The following RAB31 variants were observed in gnomAD, a reference collection of about 807,000 sequenced individuals.
RAB31 encodes RAB31, member RAS oncogene family, also known as ras-related protein Rab-31.
RAB31 carries 21 observed loss-of-function variants against 25.6 expected under a neutral mutation model. The observed-to-expected ratio is 0.82, with a 90% confidence interval of 0.58 to 1.18. The LOEUF (loss-of-function observed/expected upper bound fraction) is 1.18. Among genes scored for constraint, RAB31 ranks in the 50% most tolerant of loss-of-function variants. RAB31 has a pLI of 0.00. For missense variants in RAB31, 196 were observed against 250.1 expected, an observed-to-expected ratio of 0.78 and a Z score of 1.46; for synonymous variants, 87 against 84.0, an observed-to-expected ratio of 1.04 and a Z score of -0.20.
At chr18:9,719,972 C>CTT (rs68175651) in intron 1 of RAB31, among the ~76,000 whole-genome samples, 120,711 of 149,160 alleles carry the variant, frequency 0.81, 48,914 homozygotes, top group African/African-American at 0.88. Context: ...CCAGGCTCAC[C>CTT]TTTTTTTTTT....
intron 5 of RAB31, among the ~76,000 whole-genome samples, chr18:9,828,205 A>G (rs1225630959): frequency 6.6e-6 from 1 of 152,134 alleles, no homozygotes; most frequent in Non-Finnish European, 1.5e-5. Flanking sequence ...AGTGGGAAAG[A>G]TGGCGGGATG....
chr18:9,843,586 C>G (rs1162422903), intron 5 of RAB31, among the ~76,000 whole-genome samples: 4 of 138,528 alleles, frequency 2.9e-5, no homozygotes, highest in Non-Finnish European at 6.3e-5. Flanking sequence ...AAGTAAAAAA[C>G]AAGGTATCAT....
intron 2 of RAB31, among the ~76,000 whole-genome samples, chr18:9,781,457 C>T (rs1017804487): frequency 6.6e-6 from 1 of 152,300 alleles, no homozygotes; most frequent in South Asian, 2.1e-4. Flanking sequence ...GCTGGGATTA[C>T]AGGCACTCGC....
chr18:9,737,027 T>A (rs2068154530), intron 1 of RAB31, among the ~76,000 whole-genome samples: 1 of 152,218 alleles, frequency 6.6e-6, no homozygotes, highest in Non-Finnish European at 1.5e-5. Context: ...ATGTACCAAT[T>A]TAAAAAATGG....
At chr18:9,798,790 A>T (rs900455950) in intron 3 of RAB31, among the ~76,000 whole-genome samples, 15 of 72,976 alleles carry the variant, frequency 2.1e-4, no homozygotes, top group South Asian at 5.9e-4. Context: ...AGCTAATTTA[A>T]AAAAAAAAAA....
At chr18:9,792,363 C>T in intron 3 of RAB31, 128 bp downstream of exon 3, 1 of 1,428,408 alleles carries the variant, frequency 7.0e-7, no homozygotes, top group Non-Finnish European at 9.2e-7. Context: ...ATGATGTAAG[C>T]AAAAAGAAAA....
At chr18:9,733,660 G>A (rs1599016869) in intron 1 of RAB31, among the ~76,000 whole-genome samples, 1 of 152,224 alleles carries the variant, frequency 6.6e-6, no homozygotes, top group East Asian at 1.9e-4. Flanking sequence ...AGGTGGGTGT[G>A]GACAAGACTG....
chr18:9,733,367 T>C (rs1253223718), intron 1 of RAB31, among the ~76,000 whole-genome samples: 2 of 152,150 alleles, frequency 1.3e-5, no homozygotes, highest in Non-Finnish European at 2.9e-5. Flanking sequence ...ATATGGTGTA[T>C]GTTCTGAGGG....
intron 6 of RAB31, among the ~76,000 whole-genome samples, chr18:9,855,866 C>G (rs950083301): frequency 6.6e-6 from 1 of 152,146 alleles, no homozygotes; most frequent in African/African-American, 2.4e-5. Context: ...CATTTCTCCC[C>G]GCCATGCAAA....
At chr18:9,849,510 G>A (rs895204822) in intron 6 of RAB31, 1 of 152,222 alleles carries the variant, frequency 6.6e-6, no homozygotes, top group African/African-American at 2.4e-5. Context: ...CTCTTTTATG[G>A]GTAGGTGCCA....
chr18:9,750,373 G>A (rs8086019), intron 1 of RAB31, among the ~76,000 whole-genome samples: 69,293 of 152,022 alleles, frequency 0.46, 15,815 homozygotes, highest in South Asian at 0.52. Flanking sequence ...TGCCAATACA[G>A]TTTGCCATTT....
chr18:9,824,310 ATG>A (rs916535565), intron 5 of RAB31, among the ~76,000 whole-genome samples: 17 of 125,416 alleles, frequency 1.4e-4, no homozygotes, highest in South Asian at 4.8e-4. Context: ...GTAGATGTGT[ATG>A]TGTGTGTAGA....
chr18:9,859,370 A>G lies in RAB31; in HGVS notation c.*45A>G. Reference sequence around the variant, plus strand: ...GGTACTTGAAGAAGCCAGAGCCCACATCCTGTGCACTGCTGAAGGACCCTA... The same window carrying G: ...GGTACTTGAAGAAGCCAGAGCCCACGTCCTGTGCACTGCTGAAGGACCCTA... On this transcript the variant is annotated 3_prime_UTR_variant, in exon 7 of 7. Coordinates refer to ENST00000578921, the MANE Select transcript of RAB31 (RefSeq NM_006868.4). 6.5e-7 allele frequency: 1 copy of G among 1,528,374 alleles called. No individual in the cohort carries two copies. The allele number at this position is 1,528,374 out of a possible 1,614,324, so 94.7% of individuals were successfully genotyped here.
chr18:9,810,209 T>C (rs1019821579), intron 3 of RAB31, among the ~76,000 whole-genome samples: 1 of 152,252 alleles, frequency 6.6e-6, no homozygotes, highest in Non-Finnish European at 1.5e-5. Context: ...TTGGCATCTG[T>C]TGTGCTAATT....
chr18:9,767,803 G>C (rs1036467683), intron 1 of RAB31, among the ~76,000 whole-genome samples: 2 of 152,044 alleles, frequency 1.3e-5, no homozygotes, highest in African/African-American at 4.8e-5. Flanking sequence ...ACGTGCCATG[G>C]TGGTTTGCTG....
chr18:9,750,546 C>T (rs754839027), intron 1 of RAB31, among the ~76,000 whole-genome samples: 10 of 152,050 alleles, frequency 6.6e-5, no homozygotes, highest in Non-Finnish European at 1.0e-4. Context: ...ACTGCTCTGG[C>T]GGATTGGCCA....
At chr18:9,828,741 A>C (rs2068662589) in intron 5 of RAB31, among the ~76,000 whole-genome samples, 1 of 152,218 alleles carries the variant, frequency 6.6e-6, no homozygotes. Flanking sequence ...AAATTATACA[A>C]ACCAAATAAC....
chr18:9,791,958 C>T (rs962890998), intron 2 of RAB31, among the ~76,000 whole-genome samples, 196 bp from the exon 3 acceptor site: 2 of 151,254 alleles, frequency 1.3e-5, no homozygotes, highest in African/African-American at 4.9e-5. Context: ...TCAAAACCCC[C>T]AGTTGAACTA....
intron 1 of RAB31, among the ~76,000 whole-genome samples, chr18:9,725,221 AT>A (rs1315552140): frequency 2.0e-5 from 3 of 152,174 alleles, no homozygotes; most frequent in Admixed American, 2.0e-4. Context: ...CATTTTATTG[AT>A]CAAGCATTTT....
Sources: allele counts gnomAD v4.1 joint callset (sites outside exome capture counted in the v4.1 genomes callset), GRCh38; gene constraint gnomAD v4.1.1; transcripts MANE v1.5; gene names NCBI Gene and HGNC (gene_info 2026-07-23, HGNC 2026-07-21).